Variants in KDM4B observed in about 807,000 individuals in gnomAD.
KDM4B encodes the protein lysine-specific demethylase 4B.
KDM4B carries 32 observed loss-of-function variants against 125.2 expected under a neutral mutation model. The observed-to-expected ratio is 0.26, with a 90% confidence interval of 0.19 to 0.34. The LOEUF is 0.34. KDM4B is among the 10% of genes least tolerant of loss of function. The pLI, the probability that KDM4B is intolerant of heterozygous loss-of-function variation, is 1.00. For missense variants in KDM4B, 1,190 were observed against 1,577.7 expected, an observed-to-expected ratio of 0.75 and a Z score of 4.16; for synonymous variants, 721 against 677.9, an observed-to-expected ratio of 1.06 and a Z score of -0.99.
chr19:4,993,607 C>A (rs532158935), intron 1 of KDM4B, among the ~76,000 whole-genome samples: 13 of 151,660 alleles, frequency 8.6e-5, no homozygotes, highest in Admixed American at 8.6e-4. Context: ...TCTCTAGTAA[C>A]TTTTTTGTTT....
chr19:5,147,524 C>G (rs571739234), intron 21 of KDM4B, among the ~76,000 whole-genome samples: 1 of 152,046 alleles, frequency 6.6e-6, no homozygotes, highest in African/African-American at 2.4e-5. Context: ...GTGGGCAGAG[C>G]GCTTGAGCAC....
chr19:4,969,264 G>C (rs1191751874), intron 1 of KDM4B, 34 bp downstream of exon 1: 1 of 146,960 alleles, frequency 6.8e-6, no homozygotes, highest in Non-Finnish European at 1.5e-5. Context: ...GGCCGTGTCC[G>C]AGCGCGGACC....
intron 9 of KDM4B, among the ~76,000 whole-genome samples, chr19:5,095,628 A>C (rs909711490): frequency 1.1e-4 from 16 of 152,072 alleles, no homozygotes; most frequent in African/African-American, 3.9e-4. Context: ...TCAGATCGCA[A>C]GGGGCTGGCC....
chr19:5,049,573 C>T (rs1375805901), intron 6 of KDM4B, among the ~76,000 whole-genome samples: 1 of 151,906 alleles, frequency 6.6e-6, no homozygotes, highest in Non-Finnish European at 1.5e-5. Context: ...CCTCAACCCC[C>T]CAGAGCTCCC....
At chr19:5,090,087 G>T (rs986287000) in intron 9 of KDM4B, among the ~76,000 whole-genome samples, 2 of 152,172 alleles carry the variant, frequency 1.3e-5, no homozygotes, top group Non-Finnish European at 2.9e-5. Context: ...CTGAGCAGGT[G>T]AGGCAGTGCT....
chr19:5,066,151 A>T (rs2037762823), intron 6 of KDM4B, among the ~76,000 whole-genome samples: 1 of 152,074 alleles, frequency 6.6e-6, no homozygotes, highest in African/African-American at 2.4e-5. Context: ...GCCCCTCGAG[A>T]GGTGGCCCGG....
At chr19:5,120,580 C>T (rs2039342638) in intron 11 of KDM4B, among the ~76,000 whole-genome samples, 1 of 152,228 alleles carries the variant, frequency 6.6e-6, no homozygotes, top group Admixed American at 6.5e-5. Flanking sequence ...GTCTCAGAAA[C>T]ATTACCTTCC....
intron 6 of KDM4B, among the ~76,000 whole-genome samples, chr19:5,047,962 G>A (rs374615939): frequency 1.5e-4 from 23 of 152,318 alleles, no homozygotes; most frequent in African/African-American, 1.4e-4. Context: ...GGCCAGGAGC[G>A]TGGTCTTGAG....
rs139176137 is a variant in KDM4B at position 5,097,314 on chromosome 19, G to A, written c.919-13308G>A. On this transcript the variant is annotated intron_variant, in intron 9 of 22. Transcript: ENST00000159111. ...ACTCCAGATTGGAGTGCAGTGGTGC[G>A]ATCATAGCTCACTGCAGCCTTGACC... Among the ~76,000 whole-genome samples, 69 of 152,320 alleles carry A rather than the reference G, an allele frequency of 4.5e-4. 2 individuals carry two copies. The East Asian group carries it at 0.013, about 28-fold the overall frequency.
Position 5,121,151 on chromosome 19 carries a change from C to T in KDM4B, c.1315+1299C>T, listed in dbSNP as rs541075436. On this transcript the variant is annotated intron_variant, in intron 11 of 22. Transcript: ENST00000159111. ...ACTCCAGGAGGCAGGCACGCCCCTGCCCTCCCCATATACATGGGGCAGATA... is the reference window on the plus strand; with the variant it reads ...ACTCCAGGAGGCAGGCACGCCCCTGTCCTCCCCATATACATGGGGCAGATA... 2.6e-3 allele frequency among the ~76,000 whole-genome samples: 398 copies of T among 152,290 alleles called. 1 individual carries two copies. Among genetic ancestry groups the T allele is most frequent in the Middle Eastern group, 6.8e-3 (2 of 294 alleles).
At chr19:5,149,248 G>A (rs1050497415) in intron 21 of KDM4B, among the ~76,000 whole-genome samples, 3 of 152,260 alleles carry the variant, frequency 2.0e-5, no homozygotes, top group African/African-American at 4.8e-5. Context: ...ACACTTCCGC[G>A]ATGGTCTTAC....
chr19:4,984,477 G>A (rs2034758423), intron 1 of KDM4B, among the ~76,000 whole-genome samples: 1 of 152,090 alleles, frequency 6.6e-6, no homozygotes, highest in Admixed American at 6.6e-5. Context: ...GGGGTTTTAT[G>A]GGCCAGGAAG....
rs73921818 is a variant in KDM4B at position 4,984,403 on chromosome 19, G to A, written c.-109+15173G>A. Among the ~76,000 whole-genome samples, 274 of 152,294 alleles carry A rather than the reference G, an allele frequency of 1.8e-3. 4 individuals carry two copies. Among genetic ancestry groups the A allele is most frequent in the African/African-American group, 6.2e-3 (256 of 41,558 alleles). On this transcript the variant is annotated intron_variant, in intron 1 of 22. Transcript: ENST00000159111. ...AAGGAGCCGTGGAAGTGATCATAAA[G>A]CAACTTGAAAATAATAGTTTTTGCG...
At chr19:5,116,226 C>G (rs1219810184) in intron 10 of KDM4B, among the ~76,000 whole-genome samples, 1 of 106,522 alleles carries the variant, frequency 9.4e-6, no homozygotes, top group Non-Finnish European at 1.8e-5. Flanking sequence ...CATAGCAAGA[C>G]CACATCTCTA....
intron 1 of KDM4B, among the ~76,000 whole-genome samples, chr19:5,006,643 C>T (rs1325949061): frequency 6.6e-6 from 1 of 152,122 alleles, no homozygotes; most frequent in Non-Finnish European, 1.5e-5. Flanking sequence ...CATGGTGGCG[C>T]ATGCCTGTCA....
chr19:5,025,240 G>C (rs2036242537), intron 2 of KDM4B, among the ~76,000 whole-genome samples: 1 of 152,252 alleles, frequency 6.6e-6, no homozygotes, highest in Admixed American at 6.5e-5. Context: ...CCAGCACTTT[G>C]GGAGGCCGAG....
At chr19:4,985,620 T>C (rs777733716) in intron 1 of KDM4B, among the ~76,000 whole-genome samples, 85 of 152,338 alleles carry the variant, frequency 5.6e-4, no homozygotes, top group Middle Eastern at 3.4e-3. Context: ...TTAAGGGATC[T>C]GGCCCCGCGT....
chr19:5,082,575 A>T lies in KDM4B; in HGVS notation c.918+71A>T. On this transcript the variant is annotated intron_variant, in intron 9 of 22. Coordinates refer to ENST00000159111, the MANE Select transcript of KDM4B (RefSeq NM_015015.3). The surrounding 1 kb of genome is among the most constrained non-coding windows in gnomAD (Gnocchi z 5.4). ...GGCTCTTTTTTGCCTCTGCAGCCACACGCCCATAGCTGGTCCAGCAGCCGT... is the reference window on the plus strand; with the variant it reads ...GGCTCTTTTTTGCCTCTGCAGCCACTCGCCCATAGCTGGTCCAGCAGCCGT... 6.7e-7 allele frequency: 1 copy of T among 1,491,778 alleles called. No homozygotes were observed. The highest frequency in any genetic ancestry group is 2.3e-5 in the East Asian group (1 of 43,468). 92.4% of individuals were successfully genotyped at this position (1,491,778 alleles called of 1,614,324 possible).
At chr19:5,057,063 T>C (rs1555701526) in intron 6 of KDM4B, among the ~76,000 whole-genome samples, 2,704 of 134,364 alleles carry the variant, frequency 0.02, 41 homozygotes, top group East Asian at 0.053. Flanking sequence ...TGTGTGTGTG[T>C]GTGCGCGCGC....
Sources: gnomAD v4.1 joint callset for allele counts (sites outside exome capture counted in the v4.1 genomes callset) on GRCh38, gnomAD v4.1.1 for gene constraint, Gnocchi (gnomAD v3.1) non-coding constraint, MANE v1.5 for transcripts, NCBI Gene and HGNC (gene_info 2026-07-23, HGNC 2026-07-21) for gene names.